The following CACNA1D variants were observed in gnomAD, a reference collection of about 807,000 sequenced individuals.
The protein encoded by CACNA1D is voltage-dependent L-type calcium channel subunit alpha-1D.
CACNA1D carries 55 observed loss-of-function variants against 257.1 expected under a neutral mutation model. The observed-to-expected ratio is 0.21, with a 90% confidence interval of 0.17 to 0.27. CACNA1D has a LOEUF of 0.27. Among genes scored for constraint, CACNA1D ranks in the 10% least tolerant of loss-of-function variants. The probability of loss-of-function intolerance (pLI) is 1.00; values close to 1 mark genes in which losing one functional copy is unlikely to be tolerated. For synonymous variants in CACNA1D, 980 were observed against 1,014.9 expected (o/e 0.97, Z 0.65); for missense variants, 1,876 against 2,784.0 (o/e 0.67, Z 7.34).
At chr3:53,680,799 A>G (rs1427500420) in intron 8 of CACNA1D, among the ~76,000 whole-genome samples, 15 of 152,360 alleles carry the variant, frequency 9.8e-5, no homozygotes. Flanking sequence ...TGTCTCTAAG[A>G]TGCTACTGTC....
At chr3:53,680,555 G>T (rs2094420452) in intron 8 of CACNA1D, among the ~76,000 whole-genome samples, 1 of 152,090 alleles carries the variant, frequency 6.6e-6, no homozygotes, top group Admixed American at 6.6e-5. Flanking sequence ...GTGTTGCAGG[G>T]GAGGCTGTTG....
intron 35 of CACNA1D, 131 bp from the exon 36 acceptor site, chr3:53,776,472 G>C (rs1005769215): frequency 6.5e-6 from 7 of 1,072,148 alleles, no homozygotes; most frequent in Non-Finnish European, 9.6e-6. Flanking sequence ...TCTCCAAATA[G>C]AAAGTTTTTA....
At chr3:53,737,115 A>G (rs1413832159) in intron 20 of CACNA1D, among the ~76,000 whole-genome samples, 4 of 152,036 alleles carry the variant, frequency 2.6e-5, no homozygotes, top group Non-Finnish European at 1.5e-5. Flanking sequence ...CCTGGCCAAC[A>G]TGGTGGAACC....
At chr3:53,597,252 G>T (rs2093382325) in intron 3 of CACNA1D, among the ~76,000 whole-genome samples, 1 of 152,204 alleles carries the variant, frequency 6.6e-6, no homozygotes. Context: ...TCTTTAGGGA[G>T]ACAGATGAGA....
At chr3:53,767,352 G>A (rs2095339003) in intron 30 of CACNA1D, among the ~76,000 whole-genome samples, 1 of 152,106 alleles carries the variant, frequency 6.6e-6, no homozygotes, top group Non-Finnish European at 1.5e-5. Flanking sequence ...ATCACCTGAG[G>A]TCAGGAGTTG....
chr3:53,497,789 C>T (rs1310352664), intron 2 of CACNA1D, among the ~76,000 whole-genome samples: 1 of 152,130 alleles, frequency 6.6e-6, no homozygotes, highest in Non-Finnish European at 1.5e-5. Context: ...GTTTTAAATT[C>T]AGTGTTGTCT....
Position 53,812,342 on chromosome 3 carries a change from A to G in CACNA1D, c.*936A>G, listed in dbSNP as rs781612090. 1 of 152,252 alleles carries G rather than the reference A, an allele frequency of 6.6e-6. No homozygotes were observed. Among genetic ancestry groups the G allele is most frequent in the African/African-American group, 2.4e-5 (1 of 41,470 alleles). 9.4% of individuals were successfully genotyped at this position (152,252 alleles called of 1,614,324 possible). On this transcript the variant is annotated 3_prime_UTR_variant, in exon 48 of 48. Coordinates refer to ENST00000350061, the MANE Select transcript of CACNA1D (RefSeq NM_001128840.3). ...ATCCAGAAGTAGAAGAAATAGAGCC[A>G]ATTCTCATTTATTCAGCGAAAATCC...
intron 3 of CACNA1D, among the ~76,000 whole-genome samples, chr3:53,632,569 C>G (rs2093833839): frequency 6.6e-6 from 1 of 152,262 alleles, no homozygotes. Context: ...AAAGGCCTGG[C>G]TTTCAGCCTG....
chr3:53,592,000 G>T (rs977346775), intron 3 of CACNA1D, among the ~76,000 whole-genome samples: 7 of 152,182 alleles, frequency 4.6e-5, no homozygotes, highest in African/African-American at 1.7e-4. Flanking sequence ...TCTTCTGTAC[G>T]CTAGGGTGTC....
rs900052469 is a variant in CACNA1D, at chr3:53,497,039, A to G, written c.68-113A>G. ...AGCACATGAGATTCAAAATGGAAACATAGGAGTGAATGATTCCCCTGTTAT... is the reference window on the plus strand; with the variant it reads ...AGCACATGAGATTCAAAATGGAAACGTAGGAGTGAATGATTCCCCTGTTAT... On this transcript the variant is annotated intron_variant, in intron 1 of 47. Coordinates refer to ENST00000350061, the MANE Select transcript of CACNA1D (RefSeq NM_001128840.3). The G allele has an allele frequency of 3.7e-6, 3 of 818,618 alleles. No homozygotes were observed. In the African/African-American group the frequency reaches 5.2e-5, roughly 14 times the overall value. The allele number at this position is 818,618 out of a possible 1,614,324, so 50.7% of individuals were successfully genotyped here. A position where few individuals can be genotyped will look rare whatever the true frequency, so the allele number is the denominator to read the frequency against.
intron 11 of CACNA1D, among the ~76,000 whole-genome samples, chr3:53,722,068 C>T (rs1230952715): frequency 6.6e-6 from 1 of 152,180 alleles, no homozygotes; most frequent in East Asian, 1.9e-4. Flanking sequence ...TATCTATAAG[C>T]CATAAGGAAG....
chr3:53,524,711 G>C (rs1473810114), intron 3 of CACNA1D, among the ~76,000 whole-genome samples: 1 of 152,202 alleles, frequency 6.6e-6, no homozygotes, highest in African/African-American at 2.4e-5. Flanking sequence ...GGTTGGAGCA[G>C]AGTAAGTTTT....
At chr3:53,625,944 T>G in intron 3 of CACNA1D, among the ~76,000 whole-genome samples, 1 of 152,004 alleles carries the variant, frequency 6.6e-6, no homozygotes, top group Admixed American at 6.5e-5. Flanking sequence ...GGAGTGTGTG[T>G]GGGGTGCACA....
At position 53,652,427 on chromosome 3, in the gene CACNA1D, T is replaced by TC. The variant is rs1483434262; in HGVS notation, c.623+1510dup. Among the ~76,000 whole-genome samples, 4 of 152,242 alleles carry TC rather than the reference T, an allele frequency of 2.6e-5. No homozygotes were observed. The East Asian group carries it at 7.7e-4, about 29-fold the overall frequency. ...GAGGGAGCTATTTAGAGAAAGAGCT[T>TC]CATAAATATGCCTTAGAGTACTCTT... is the stretch of plus-strand genomic sequence containing the variant. On this transcript the variant is annotated intron_variant, in intron 4 of 47. Transcript: ENST00000350061.
Position 53,753,623 on chromosome 3 carries a change from G to T in CACNA1D, c.3727G>T (p.Val1243Phe). The T allele has an allele frequency of 6.2e-7, 1 of 1,613,924 alleles. No individual in the cohort carries two copies. Among genetic ancestry groups the T allele is most frequent in the Non-Finnish European group, 8.5e-7 (1 of 1,179,764 alleles). ...TGATGCCATGGACATTCTGAACATGGTCTTCACCGGGGTGTTCACCGTCGA... is the reference window on the plus strand; with the variant it reads ...TGATGCCATGGACATTCTGAACATGTTCTTCACCGGGGTGTTCACCGTCGA... ...FNDAMDILNM[V>F]FTGVFTVEMV... Residue 1243 changes from valine (V) to phenylalanine (F), a missense_variant, in exon 29 of 48, where the codon GTC becomes TTC. Val to Phe is a conservative substitution (Grantham distance 50). Transcript: ENST00000350061.
In CACNA1D at chr3:53,775,961, T is replaced by C. The variant is rs1458994819; in HGVS notation, c.4278T>C (p.Asp1426=). 3 of 1,613,988 alleles carry C rather than the reference T, an allele frequency of 1.9e-6. No individual in the cohort carries two copies. The highest frequency in any genetic ancestry group is 2.2e-5 in the South Asian group (2 of 91,090). ...LPGKLCDPES[D]YNPGEEYTCG... ...GGAAGCTCTGTGACCCTGAGTCAGATTACAACCCCGGGGAGGAGTATACAT... is the reference window on the plus strand; with the variant it reads ...GGAAGCTCTGTGACCCTGAGTCAGACTACAACCCCGGGGAGGAGTATACAT... Residue 1426 remains aspartate (D), a synonymous_variant, in exon 35 of 48, where the codon GAT becomes GAC. Transcript: ENST00000350061.
intron 3 of CACNA1D, among the ~76,000 whole-genome samples, chr3:53,546,702 C>G (rs2092421452): frequency 6.6e-6 from 1 of 152,204 alleles, no homozygotes; most frequent in Non-Finnish European, 1.5e-5. Flanking sequence ...CTCAACTTAC[C>G]AGCATGGTTC....
chr3:53,675,212 C>A (rs1166603668), intron 8 of CACNA1D, among the ~76,000 whole-genome samples: 2 of 152,202 alleles, frequency 1.3e-5, no homozygotes. Context: ...CATAACCCTC[C>A]CCTGCCTGAG....
At chr3:53,676,093 G>A (rs1391068449) in intron 8 of CACNA1D, among the ~76,000 whole-genome samples, 7 of 152,172 alleles carry the variant, frequency 4.6e-5, no homozygotes, top group Non-Finnish European at 8.8e-5. Context: ...CACAGACAGC[G>A]GCCTTGTGCT....
Sources: gnomAD v4.1 joint callset for allele counts (sites outside exome capture counted in the v4.1 genomes callset) on GRCh38, gnomAD v4.1.1 for gene constraint, MANE v1.5 for transcripts, NCBI Gene and HGNC (gene_info 2026-07-23, HGNC 2026-07-21) for gene names.